The following CHRDL1 variants were observed in gnomAD, a reference collection of about 807,000 sequenced individuals.
CHRDL1 encodes chordin like 1.
In CHRDL1, 19 loss-of-function variants were observed where a neutral mutation model predicts 40.9. The observed-to-expected ratio is 0.46, with a 90% confidence interval of 0.32 to 0.68. CHRDL1 has a LOEUF of 0.68. Among genes scored for constraint, CHRDL1 ranks in the 30% least tolerant of loss-of-function variants. CHRDL1 has a pLI of 0.03. For missense variants in CHRDL1, 329 were observed against 352.1 expected, an observed-to-expected ratio of 0.93 and a Z score of 0.53; for synonymous variants, 136 against 123.4, an observed-to-expected ratio of 1.10 and a Z score of -0.68.
At chrX:110,764,545 T>G (rs1055700533) in intron 2 of CHRDL1, among the ~76,000 whole-genome samples, 3 of 112,084 alleles carry the variant, frequency 2.7e-5, no homozygotes, top group African/African-American at 9.7e-5. Flanking sequence ...ACTGTACAAA[T>G]TGACTGTAAA....
intron 6 of CHRDL1, among the ~76,000 whole-genome samples, chrX:110,709,241 C>G (rs2070701882): frequency 1.8e-5 from 2 of 112,177 alleles, no homozygotes; most frequent in African/African-American, 6.5e-5. Flanking sequence ...ATTCCTAATC[C>G]CCTTTCTTCC....
intron 3 of CHRDL1, among the ~76,000 whole-genome samples, chrX:110,760,774 C>T (rs752113034): frequency 8.8e-4 from 98 of 111,802 alleles, no homozygotes; most frequent in Non-Finnish European, 1.1e-3. Context: ...TTATCCCAAC[C>T]TTTTCCTTTT....
intron 2 of CHRDL1, among the ~76,000 whole-genome samples, chrX:110,764,372 C>T (rs1017894573): frequency 2.7e-5 from 3 of 112,225 alleles, no homozygotes; most frequent in Non-Finnish European, 5.6e-5. Flanking sequence ...TGGCTGGAGC[C>T]GTGGCAGAGG....
chrX:110,778,377 G>A (rs2148527162), intron 2 of CHRDL1, among the ~76,000 whole-genome samples: 1 of 111,919 alleles, frequency 8.9e-6, no homozygotes, highest in Admixed American at 9.5e-5. Context: ...CTAATATCAA[G>A]AATCTGTAAG....
intron 4 of CHRDL1, among the ~76,000 whole-genome samples, chrX:110,747,755 G>A (rs1437569426): frequency 8.9e-6 from 1 of 112,186 alleles, no homozygotes; most frequent in Non-Finnish European, 1.9e-5. Context: ...ACCCCCCAAT[G>A]GAGGTCAACT....
intron 4 of CHRDL1, among the ~76,000 whole-genome samples, chrX:110,746,526 A>G (rs1341687680): frequency 2.7e-5 from 3 of 111,187 alleles, no homozygotes. Context: ...CGGCATACTC[A>G]CACAGGCACC....
chrX:110,685,489 C>T (rs1172341437), intron 9 of CHRDL1, among the ~76,000 whole-genome samples: 2 of 111,718 alleles, frequency 1.8e-5, no homozygotes, highest in African/African-American at 6.5e-5. Flanking sequence ...TCTTGAACTC[C>T]TGGGCTCAAG....
intron 3 of CHRDL1, among the ~76,000 whole-genome samples, chrX:110,760,676 G>C (rs992007970): frequency 8.9e-6 from 1 of 112,056 alleles, no homozygotes; most frequent in African/African-American, 3.2e-5. Flanking sequence ...GGCCATCCCA[G>C]GCAGTTAATC....
rs933292776 is a variant in CHRDL1, at chrX:110,703,939, A to G, written c.542-3218T>C. On this transcript the variant is annotated intron_variant, in intron 6 of 11. Transcript: ENST00000372042. ...TTCAGATATGAAAACAAGAGAAATT[A>G]CGCTGGTAATTGAACTTGTAGAGAG... Among the ~76,000 whole-genome samples the G allele has an allele frequency of 5.4e-5, 6 of 110,979 alleles. No homozygotes were observed. In the Admixed American group the frequency reaches 5.8e-4, roughly 11 times the overall value.
At chrX:110,758,214 C>G (rs1254628108) in intron 4 of CHRDL1, among the ~76,000 whole-genome samples, 1 of 101,446 alleles carries the variant, frequency 9.9e-6, no homozygotes, top group Non-Finnish European at 2.0e-5. Flanking sequence ...CCCCCACCCC[C>G]ACCCATACCA....
chrX:110,738,435 A>C (rs1319211634), intron 4 of CHRDL1, among the ~76,000 whole-genome samples: 2 of 112,028 alleles, frequency 1.8e-5, no homozygotes, highest in Non-Finnish European at 3.8e-5. Context: ...GAAGTAATTG[A>C]AAATAGAAAA....
chrX:110,700,414 TAGACAAAGGGCTGGGGC>T (rs2070486955), intron 7 of CHRDL1, among the ~76,000 whole-genome samples: 1 of 112,037 alleles, frequency 8.9e-6, no homozygotes, highest in Non-Finnish European at 1.9e-5. Context: ...ACTTCTGACC[TAGACAAAGGGCTGGGGC>T]TATGGTTTCT....
intron 9 of CHRDL1, among the ~76,000 whole-genome samples, chrX:110,688,168 T>A (rs1352261805): frequency 5.4e-5 from 6 of 111,680 alleles, no homozygotes; most frequent in African/African-American, 1.6e-4. Context: ...TCACTCAACA[T>A]CTTAGGCTTG....
chrX:110,758,253 A>C (rs1247148314), intron 4 of CHRDL1, among the ~76,000 whole-genome samples: 4 of 100,318 alleles, frequency 4.0e-5, no homozygotes, highest in East Asian at 3.2e-4. Flanking sequence ...TAGGAAGAAG[A>C]AGCAAATAAA....
Position 110,772,951 on chromosome X carries a change from A to G in CHRDL1, c.95-10144T>C, listed in dbSNP as rs186863797. 4.5e-3 allele frequency among the ~76,000 whole-genome samples: 510 copies of G among 112,779 alleles called. 2 individuals are homozygous for G. The highest frequency in any genetic ancestry group is 6.8e-3 in the Non-Finnish European group (365 of 53,338). The stretch of plus-strand genomic sequence containing the variant: ...AAAACCTAATTTTTTAAAACTTCTA[A>G]AAGAACAAACAGGAGAATATCTTTG... On this transcript the variant is annotated intron_variant, in intron 2 of 11. Coordinates refer to ENST00000372042, the MANE Select transcript of CHRDL1 (RefSeq NM_001143981.2).
intron 2 of CHRDL1, among the ~76,000 whole-genome samples, chrX:110,789,013 A>G (rs2090058234): frequency 9.0e-6 from 1 of 111,626 alleles, no homozygotes; most frequent in Non-Finnish European, 1.9e-5. Context: ...GACAGATCTG[A>G]CTACGTAAAA....
At chrX:110,761,082 A>T (rs966692) in intron 3 of CHRDL1, among the ~76,000 whole-genome samples, 12,366 of 111,793 alleles carry the variant, frequency 0.11, 1,654 homozygotes, top group African/African-American at 0.38. Context: ...ATGTTTACCA[A>T]GACTAAGTAT....
chrX:110,695,349 A>T (rs73260106), intron 7 of CHRDL1, among the ~76,000 whole-genome samples: 29,471 of 110,987 alleles, frequency 0.27, 3,940 homozygotes, highest in Non-Finnish European at 0.39. Context: ...GGTGTTCATC[A>T]AATACTTGTT....
chrX:110,784,497 C>T (rs1421532002), intron 2 of CHRDL1, among the ~76,000 whole-genome samples: 2 of 110,367 alleles, frequency 1.8e-5, no homozygotes, highest in Non-Finnish European at 3.8e-5. Context: ...CTGCAACCTC[C>T]GCCTCCTGGG....
Sources: gnomAD v4.1 joint callset for allele counts (sites outside exome capture counted in the v4.1 genomes callset) on GRCh38, gnomAD v4.1.1 for gene constraint, MANE v1.5 for transcripts, NCBI Gene and HGNC (gene_info 2026-07-23, HGNC 2026-07-21) for gene names.